Variants in DTNB observed in about 807,000 individuals in gnomAD.
DTNB encodes the protein DTN-B.
Under a neutral mutation model 90.7 loss-of-function variants are expected in DTNB, and 63 were observed. The ratio of observed to expected loss-of-function variants is 0.69; its 90% CI spans 0.57 to 0.86. The LOEUF is 0.86. Ranked by LOEUF, DTNB falls within the 40% of genes least tolerant of loss-of-function variation. The pLI, the probability that DTNB is intolerant of heterozygous loss-of-function variation, is 0.00. For missense variants in DTNB, 744 were observed against 807.1 expected (o/e 0.92, Z 0.95); for synonymous variants, 277 against 286.7 (o/e 0.97, Z 0.34).
At chr2:25,648,583 A>G (rs950954769) in intron 2 of DTNB, among the ~76,000 whole-genome samples, 3 of 152,176 alleles carry the variant, frequency 2.0e-5, no homozygotes, top group African/African-American at 4.8e-5. Context: ...CTAAGGTTAA[A>G]AAAAAACTAT....
At chr2:25,627,208 T>A (rs1369639201) in intron 4 of DTNB, among the ~76,000 whole-genome samples, 1 of 151,090 alleles carries the variant, frequency 6.6e-6, no homozygotes, top group Non-Finnish European at 1.5e-5. Context: ...AGGTCGGGAG[T>A]TTGAGACCAG....
chr2:25,460,903 T>G (rs926161717), intron 10 of DTNB, among the ~76,000 whole-genome samples: 1 of 45,104 alleles, frequency 2.2e-5, no homozygotes. Context: ...AGGTTTTTTG[T>G]TTTTTTTTTT....
intron 14 of DTNB, among the ~76,000 whole-genome samples, chr2:25,428,237 C>T (rs1333180349): frequency 3.9e-5 from 6 of 151,936 alleles, no homozygotes; most frequent in Non-Finnish European, 8.8e-5. Flanking sequence ...ATTTTTCCTT[C>T]CAGGTGTCAT....
At chr2:25,382,142 G>A (rs2037980351) in intron 19 of DTNB, among the ~76,000 whole-genome samples, 1 of 152,182 alleles carries the variant, frequency 6.6e-6, no homozygotes. Flanking sequence ...TTCCTCCCTG[G>A]GAGGGCTGCT....
intron 1 of DTNB, among the ~76,000 whole-genome samples, chr2:25,666,774 G>A (rs2084544302): frequency 6.6e-6 from 1 of 152,134 alleles, no homozygotes. Context: ...TCTAGACCAG[G>A]TGTGCACTTC....
In DTNB at chr2:25,669,680, C is replaced by T. The variant is rs79889801; in HGVS notation, c.-2+3706G>A. 9.5e-3 allele frequency among the ~76,000 whole-genome samples: 1,439 copies of T among 152,260 alleles called. 28 individuals are homozygous for T. The highest frequency in any genetic ancestry group is 0.032 in the African/African-American group (1,336 of 41,540). On this transcript the variant is annotated intron_variant, in intron 1 of 20. Coordinates refer to ENST00000406818, the MANE Select transcript of DTNB (RefSeq NM_021907.5). ...TCCTCAGTGAGTAAAAGGACACGTG[C>T]GCTGTGATGTAAGTCCACAACCGGG...
chr2:25,614,045 TCA>T (rs1354376864), intron 4 of DTNB, among the ~76,000 whole-genome samples: 2 of 151,986 alleles, frequency 1.3e-5, no homozygotes, highest in Admixed American at 6.6e-5. Context: ...TGAAAACCAA[TCA>T]ATATAATTCA....
chr2:25,593,059 A>G (rs1290802995), intron 6 of DTNB, among the ~76,000 whole-genome samples: 2 of 152,220 alleles, frequency 1.3e-5, no homozygotes, highest in Non-Finnish European at 2.9e-5. Flanking sequence ...ACGTCTTCAC[A>G]GCCTCTTCAC....
chr2:25,433,054 C>A (rs2054492095), intron 13 of DTNB, 55 bp from the exon 14 acceptor site: 6 of 1,479,888 alleles, frequency 4.1e-6, no homozygotes, highest in Non-Finnish European at 5.4e-6. Flanking sequence ...ACTCACGCTC[C>A]CTCTTTCCCT....
intron 16 of DTNB, among the ~76,000 whole-genome samples, chr2:25,391,633 A>G (rs2041150960): frequency 6.6e-6 from 1 of 152,244 alleles, no homozygotes; most frequent in African/African-American, 2.4e-5. Flanking sequence ...GAACCCTAAT[A>G]TACTGCTGAT....
intron 12 of DTNB, among the ~76,000 whole-genome samples, chr2:25,436,716 T>C (rs1409976881): frequency 2.0e-5 from 3 of 152,136 alleles, no homozygotes; most frequent in African/African-American, 4.8e-5. Context: ...TTCTATATTG[T>C]AGTCAGTCTT....
chr2:25,390,327 T>TA (rs1298812981), intron 16 of DTNB, among the ~76,000 whole-genome samples: 1 of 152,196 alleles, frequency 6.6e-6, no homozygotes, highest in East Asian at 1.9e-4. Context: ...CTATAAGGGC[T>TA]AAAACTATAA....
chr2:25,510,731 C>T (rs905972876), intron 9 of DTNB, among the ~76,000 whole-genome samples: 2 of 152,194 alleles, frequency 1.3e-5, no homozygotes, highest in African/African-American at 4.8e-5. Context: ...TGGTCTCGAA[C>T]TCCTGACCTC....
chr2:25,396,408 G>A (rs915592443), intron 16 of DTNB, among the ~76,000 whole-genome samples: 2 of 152,144 alleles, frequency 1.3e-5, no homozygotes, highest in Non-Finnish European at 2.9e-5. Flanking sequence ...CTACTTGGGA[G>A]GCTGAGGCAG....
chr2:25,556,621 G>T (rs1289580402), intron 8 of DTNB, among the ~76,000 whole-genome samples: 1 of 152,096 alleles, frequency 6.6e-6, no homozygotes, highest in Non-Finnish European at 1.5e-5. Flanking sequence ...CAAATAAGCA[G>T]ATTCTATGAA....
Position 25,388,201 on chromosome 2 carries a change from C to T in DTNB, c.1735+1G>A, listed in dbSNP as rs1256089269. 2 of 1,564,230 alleles carry T rather than the reference C, an allele frequency of 1.3e-6. No individual in the cohort carries two copies. Among genetic ancestry groups the T allele is most frequent in the African/African-American group, 1.4e-5 (1 of 73,752 alleles). ...CGCTGAACTCTGCTCCAGAAACTCA[C>T]CTTGTGCGAAGGCCTCCTGCACGTC... On this transcript the variant is annotated splice_donor_variant, in intron 17 of 20. Transcript: ENST00000406818. LOFTEE classifies it high-confidence loss of function.
chr2:25,450,071 T>C (rs974813915), intron 12 of DTNB, among the ~76,000 whole-genome samples: 8 of 152,214 alleles, frequency 5.3e-5, no homozygotes, highest in Non-Finnish European at 1.2e-4. Flanking sequence ...AATTTATCAA[T>C]TTTTAAAATG....
chr2:25,466,545 G>A (rs1421285318), intron 10 of DTNB, among the ~76,000 whole-genome samples: 2 of 152,188 alleles, frequency 1.3e-5, no homozygotes, highest in Non-Finnish European at 2.9e-5. Flanking sequence ...GAGAACGCAG[G>A]GGAGCTCCTG....
At chr2:25,667,131 A>G (rs1177636291) in intron 1 of DTNB, among the ~76,000 whole-genome samples, 1 of 151,918 alleles carries the variant, frequency 6.6e-6, no homozygotes, top group East Asian at 1.9e-4. Flanking sequence ...GGCACAGAAG[A>G]AAACAAAATT....
Sources: allele counts gnomAD v4.1 joint callset (sites outside exome capture counted in the v4.1 genomes callset), GRCh38; gene constraint gnomAD v4.1.1; transcripts MANE v1.5; gene names NCBI Gene and HGNC (gene_info 2026-07-23, HGNC 2026-07-21).